GRIA1: variants seen among roughly 807,000 people sequenced by gnomAD.
The protein encoded by GRIA1 is glutamate ionotropic receptor AMPA type subunit 1, also known as glutamate receptor 1.
A neutral mutation model predicts 99.2 loss-of-function variants in GRIA1; 31 were observed. The observed-to-expected ratio is 0.31, with a 90% confidence interval of 0.23 to 0.42. The LOEUF is 0.42. Among genes scored for constraint, GRIA1 ranks in the 10% least tolerant of loss-of-function variants. GRIA1 has a pLI of 1.00. For synonymous variants in GRIA1, 438 were observed against 432.4 expected (o/e 1.01, Z -0.16); for missense variants, 782 against 1,157.5 (o/e 0.68, Z 4.71).
chr5:153,596,006 G>A (rs752520513), intron 2 of GRIA1, among the ~76,000 whole-genome samples: 3 of 143,432 alleles, frequency 2.1e-5, no homozygotes, highest in African/African-American at 5.0e-5. Flanking sequence ...ACCTTATTAG[G>A]GAAATACACA....
intron 11 of GRIA1, among the ~76,000 whole-genome samples, chr5:153,723,369 T>C (rs1354179919): frequency 6.6e-6 from 1 of 152,162 alleles, no homozygotes; most frequent in Non-Finnish European, 1.5e-5. Context: ...TTCATCTCAC[T>C]AGGGAGTGCC....
intron 13 of GRIA1, among the ~76,000 whole-genome samples, chr5:153,792,470 C>T (rs62383440): frequency 0.3 from 45,706 of 152,100 alleles, 7,301 homozygotes; most frequent in Middle Eastern, 0.4. Context: ...CCTTGCTGTG[C>T]CCAGTTCCCT....
chr5:153,773,428 G>T (rs1764014011), intron 13 of GRIA1, among the ~76,000 whole-genome samples: 1 of 152,036 alleles, frequency 6.6e-6, no homozygotes, highest in South Asian at 2.1e-4. Flanking sequence ...CCACCAACTT[G>T]GGAATTAAAA....
intron 13 of GRIA1, among the ~76,000 whole-genome samples, chr5:153,771,844 C>A (rs1290884840): frequency 1.3e-5 from 2 of 148,852 alleles, no homozygotes; most frequent in Non-Finnish European, 3.0e-5. Flanking sequence ...ACATGAGCAA[C>A]AATTAACAGT....
At chr5:153,529,179 C>T (rs1045004568) in intron 2 of GRIA1, among the ~76,000 whole-genome samples, 7 of 152,300 alleles carry the variant, frequency 4.6e-5, no homozygotes, top group South Asian at 2.1e-4. Flanking sequence ...TCTGTGCTTG[C>T]GTTCCAGGGG....
At chr5:153,662,843 G>A (rs111982315) in intron 5 of GRIA1, among the ~76,000 whole-genome samples, 3,259 of 152,298 alleles carry the variant, frequency 0.021, 106 homozygotes, top group African/African-American at 0.075. Flanking sequence ...GACAGAGACA[G>A]AGAGGGAGCT....
At chr5:153,716,246 G>T (rs573829533) in intron 11 of GRIA1, among the ~76,000 whole-genome samples, 3 of 152,340 alleles carry the variant, frequency 2.0e-5, no homozygotes, top group East Asian at 3.9e-4. Context: ...GGGGCTCAGA[G>T]AAATTAATTC....
In GRIA1 at chr5:153,756,520, T is replaced by G. The variant is rs1581603745; in HGVS notation, c.1824-7914T>G. ...ACATCTGTTCCGCAGCTCCTCTCACTATAGCCAGGAAATTGTCCCACTTAT... is the reference window on the plus strand; with the variant it reads ...ACATCTGTTCCGCAGCTCCTCTCACGATAGCCAGGAAATTGTCCCACTTAT... On this transcript the variant is annotated intron_variant, in intron 11 of 15. Coordinates refer to ENST00000285900, the MANE Select transcript of GRIA1 (RefSeq NM_000827.4). Among the ~76,000 whole-genome samples, 6 of 152,274 alleles carry G rather than the reference T, an allele frequency of 3.9e-5. No individual in the cohort carries two copies. In the South Asian group the frequency reaches 1.0e-3, roughly 26 times the overall value.
chr5:153,568,970 C>A (rs1761888560), intron 2 of GRIA1, among the ~76,000 whole-genome samples: 1 of 152,034 alleles, frequency 6.6e-6, no homozygotes, highest in Non-Finnish European at 1.5e-5. Context: ...GCCTTCAAGG[C>A]TCTGCTGAAA....
intron 11 of GRIA1, among the ~76,000 whole-genome samples, chr5:153,722,156 G>A (rs1760117011): frequency 6.6e-6 from 1 of 152,130 alleles, no homozygotes; most frequent in East Asian, 1.9e-4. Context: ...TCACTTTTCT[G>A]TTAGGTCATC....
intron 2 of GRIA1, among the ~76,000 whole-genome samples, chr5:153,557,137 G>A (rs112688100): frequency 0.017 from 2,626 of 152,312 alleles, 80 homozygotes; most frequent in African/African-American, 0.06. Context: ...AGAACTGGAC[G>A]TTGCTCTGGT....
At chr5:153,654,042 T>C (rs967390118) in intron 4 of GRIA1, among the ~76,000 whole-genome samples, 1 of 152,184 alleles carries the variant, frequency 6.6e-6, no homozygotes, top group African/African-American at 2.4e-5. Flanking sequence ...CCTTTCTCAG[T>C]TTGTTACCCT....
chr5:153,605,739 A>C (rs1765383338), intron 2 of GRIA1, among the ~76,000 whole-genome samples: 1 of 152,098 alleles, frequency 6.6e-6, no homozygotes, highest in African/African-American at 2.4e-5. Context: ...ATTATTTGTG[A>C]GTTTTAACTT....
In GRIA1 at chr5:153,490,795, C is replaced by T. The variant is rs1753840813; in HGVS notation, c.-94C>T. On this transcript the variant is annotated 5_prime_UTR_variant, in exon 1 of 16. Transcript: ENST00000285900. ...GGAAGGAACTGCAGGAGGAAAAGAA[C>T]AGGCAGAACAGCGAGAAGAATAAAG... The T allele has an allele frequency of 7.7e-6, 7 of 913,796 alleles. No individual in the cohort carries two copies. Among genetic ancestry groups the T allele is most frequent in the Non-Finnish European group, 1.1e-5 (6 of 543,464 alleles). The allele number at this position is 913,796 out of a possible 1,614,324, so 56.6% of individuals were successfully genotyped here. A position where few individuals can be genotyped will look rare whatever the true frequency, so the allele number is the denominator to read the frequency against.
chr5:153,623,634 A>G (rs1767284758), intron 2 of GRIA1, among the ~76,000 whole-genome samples: 1 of 152,252 alleles, frequency 6.6e-6, no homozygotes, highest in African/African-American at 2.4e-5. Context: ...AGTTCTATCA[A>G]CATGGACGGC....
intron 2 of GRIA1, among the ~76,000 whole-genome samples, chr5:153,519,041 G>C (rs2113360214): frequency 6.6e-6 from 1 of 152,302 alleles, no homozygotes; most frequent in Admixed American, 6.5e-5. Flanking sequence ...GAGGTGGGCA[G>C]ATCACAAGGT....
intron 2 of GRIA1, among the ~76,000 whole-genome samples, chr5:153,566,304 C>CCTTTTTTTTTTTTT (rs537995524): frequency 2.7e-5 from 1 of 36,556 alleles, no homozygotes; most frequent in Admixed American, 5.2e-4. Context: ...AATTCCCTGC[C>CCTTTTTTTTTTTTT]TTTTTTTTTT....
At chr5:153,689,563 T>C (rs1757586832) in intron 8 of GRIA1, among the ~76,000 whole-genome samples, 1 of 152,190 alleles carries the variant, frequency 6.6e-6, no homozygotes, top group Non-Finnish European at 1.5e-5. Flanking sequence ...ATTGGGGTTA[T>C]ACTGAAGGTG....
chr5:153,803,835 C>T (rs191182538), intron 15 of GRIA1, among the ~76,000 whole-genome samples: 20 of 152,246 alleles, frequency 1.3e-4, no homozygotes, highest in Admixed American at 3.9e-4. Flanking sequence ...CTCTCCCTGC[C>T]TTGGACCCTC....
Sources: allele counts gnomAD v4.1 joint callset (sites outside exome capture counted in the v4.1 genomes callset), GRCh38; gene constraint gnomAD v4.1.1; transcripts MANE v1.5; gene names NCBI Gene and HGNC (gene_info 2026-07-23, HGNC 2026-07-21).